The following PANK1 variants were observed in gnomAD, a reference collection of about 807,000 sequenced individuals.
The protein encoded by PANK1 is pantothenate kinase 1.
In PANK1, 18 loss-of-function variants were observed where a neutral mutation model predicts 40.1. The ratio of observed to expected loss-of-function variants is 0.45; its 90% CI spans 0.31 to 0.67. PANK1 has a LOEUF of 0.67. Among genes scored for constraint, PANK1 ranks in the 30% least tolerant of loss-of-function variants. PANK1 has a pLI of 0.06. For synonymous variants in PANK1, 242 were observed against 237.7 expected (o/e 1.02, Z -0.17); for missense variants, 457 against 599.6 (o/e 0.76, Z 2.48).
intron 2 of PANK1, among the ~76,000 whole-genome samples, chr10:89,600,796 GA>G (rs1053197767): frequency 5.3e-5 from 8 of 151,776 alleles, no homozygotes; most frequent in Admixed American, 1.3e-4. Flanking sequence ...ACCAAAGAAA[GA>G]AAAAAATCTA....
intron 6 of PANK1, among the ~76,000 whole-genome samples, chr10:89,587,748 A>G (rs1337725170): frequency 6.6e-6 from 1 of 152,190 alleles, no homozygotes; most frequent in Non-Finnish European, 1.5e-5. Flanking sequence ...GGTTGAAGAA[A>G]GCTTTCATTA....
rs535948701 is a variant in PANK1 at position 89,641,029 on chromosome 10, A to T, written c.292+3571T>A. 3.3e-5 allele frequency among the ~76,000 whole-genome samples: 5 copies of T among 152,334 alleles called. No individual in the cohort carries two copies. In the South Asian group the frequency reaches 8.3e-4, roughly 25 times the overall value. ...AATCATCAATTCAAATGTGTATTGT[A>T]CAATTCATAGCTTAATTGACAAACT... On this transcript the variant is annotated intron_variant, in intron 1 of 6. Transcript: ENST00000307534.
At chr10:89,604,942 G>A (rs1469728891) in intron 2 of PANK1, among the ~76,000 whole-genome samples, 1 of 151,472 alleles carries the variant, frequency 6.6e-6, no homozygotes, top group South Asian at 2.1e-4. Context: ...TAGTAGAGAC[G>A]GGGTTTCACC....
chr10:89,641,679 C>T (rs966769695), intron 1 of PANK1, among the ~76,000 whole-genome samples: 2 of 150,008 alleles, frequency 1.3e-5, no homozygotes, highest in Non-Finnish European at 2.9e-5. Context: ...TTGCAGTGAG[C>T]CAAGATCGTG....
chr10:89,597,250 A>G (rs1324246192), intron 3 of PANK1, among the ~76,000 whole-genome samples: 5 of 152,258 alleles, frequency 3.3e-5, no homozygotes, highest in Admixed American at 3.3e-4. Context: ...CTTCACTGCT[A>G]ACTGTAATCG....
intron 1 of PANK1, among the ~76,000 whole-genome samples, chr10:89,634,635 T>C (rs1183484412): frequency 6.6e-6 from 1 of 152,206 alleles, no homozygotes; most frequent in Non-Finnish European, 1.5e-5. Flanking sequence ...CATGTGGCTT[T>C]TATGAAGGAA....
intron 1 of PANK1, among the ~76,000 whole-genome samples, chr10:89,631,010 AT>A (rs1217156597): frequency 2.0e-5 from 3 of 151,392 alleles, no homozygotes; most frequent in Admixed American, 2.0e-4. Context: ...CTAAACAAAC[AT>A]TTTTTTTTAC....
chr10:89,624,751 C>T (rs563487543), intron 1 of PANK1, among the ~76,000 whole-genome samples: 3 of 152,280 alleles, frequency 2.0e-5, no homozygotes, highest in South Asian at 4.1e-4. Flanking sequence ...AATACAGACT[C>T]CCAGGACATC....
At chr10:89,595,607 G>T in intron 3 of PANK1, among the ~76,000 whole-genome samples, 1 of 151,268 alleles carries the variant, frequency 6.6e-6, no homozygotes, top group African/African-American at 2.4e-5. Flanking sequence ...ATCACCTGAG[G>T]TCAGGAGTTT....
chr10:89,604,390 G>C (rs118068373), intron 2 of PANK1, among the ~76,000 whole-genome samples: 5 of 152,074 alleles, frequency 3.3e-5, no homozygotes, highest in African/African-American at 1.2e-4. Flanking sequence ...GTTTCTTAGT[G>C]CATATAAAAG....
Position 89,588,779 on chromosome 10 carries a change from TG to T in PANK1, c.1201-3del. 1 of 1,568,674 alleles carries T rather than the reference TG, an allele frequency of 6.4e-7. No individual in the cohort carries two copies. Among genetic ancestry groups the T allele is most frequent in the Admixed American group, 2.0e-5 (1 of 51,068 alleles). ...AACAAACACAACTCTGTCTATGTTC[TG>T]GAAAAAATATTAAAGAAAACAATTG... On this transcript the variant is annotated splice_region_variant and splice_polypyrimidine_tract_variant and intron_variant, in intron 5 of 6. Coordinates refer to ENST00000307534, the MANE Select transcript of PANK1 (RefSeq NM_148977.3).
rs530327034 is a variant in PANK1, at chr10:89,604,249, A to G, written c.646-4744T>C. Among the ~76,000 whole-genome samples the G allele has an allele frequency of 9.8e-5, 15 of 152,316 alleles. No individual in the cohort carries two copies. In the South Asian group the frequency reaches 3.1e-3, roughly 32 times the overall value. ...CTAAAAGAGTTACTTCTGACTTCTA[A>G]TCAATGTTAGCTTTGGACTGGACAA... On this transcript the variant is annotated intron_variant, in intron 2 of 6. Transcript: ENST00000307534.
downstream of PANK1, chr10:89,580,622 A>G (rs2133907535): frequency 6.6e-6 from 1 of 152,246 alleles, no homozygotes; most frequent in East Asian, 1.9e-4. Context: ...TTTGGTTAAG[A>G]CTTCACAAAA....
intron 1 of PANK1, chr10:89,643,801 T>C: frequency 6.2e-7 from 1 of 1,607,756 alleles, no homozygotes; most frequent in Non-Finnish European, 8.5e-7. Context: ...GACCTACAAA[T>C]TTACATCCCA....
intron 1 of PANK1, among the ~76,000 whole-genome samples, chr10:89,618,886 T>TG (rs1234238728): frequency 2.0e-5 from 3 of 152,246 alleles, no homozygotes; most frequent in African/African-American, 7.2e-5. Context: ...TCAATGAACT[T>TG]GTGTTGTAAG....
At chr10:89,622,469 A>T (rs549195365) in intron 1 of PANK1, among the ~76,000 whole-genome samples, 7 of 152,248 alleles carry the variant, frequency 4.6e-5, no homozygotes, top group African/African-American at 1.7e-4. Flanking sequence ...AGATTCCTAT[A>T]CCCTTTGATA....
chr10:89,599,608 C>A, intron 2 of PANK1, 103 bp from the exon 3 acceptor site: 1 of 1,091,230 alleles, frequency 9.2e-7, no homozygotes, highest in Non-Finnish European at 1.3e-6. Flanking sequence ...ACATGAAAAG[C>A]ATGGAGACAC....
At chr10:89,627,409 C>T (rs578073584) in intron 1 of PANK1, among the ~76,000 whole-genome samples, 63 of 152,234 alleles carry the variant, frequency 4.1e-4, no homozygotes, top group African/African-American at 1.4e-3. Context: ...GCAAATACTA[C>T]GCCATTTTAT....
rs768953761 is a variant in PANK1, at chr10:89,584,331, C to A, written c.*75G>T. On this transcript the variant is annotated 3_prime_UTR_variant, in exon 7 of 7. Transcript: ENST00000307534. The stretch of plus-strand genomic sequence containing the variant: ...TAATGGCTTGGCTTCCGTCCCAAAG[C>A]GACTTTCACCTTCTCCAGCAGCAAT... 16 of 929,418 alleles carry A rather than the reference C, an allele frequency of 1.7e-5. No individual in the cohort carries two copies. In the East Asian group the frequency reaches 2.9e-4, roughly 17 times the overall value. The allele number at this position is 929,418 out of a possible 1,614,324, so 57.6% of individuals were successfully genotyped here.
Sources: allele counts gnomAD v4.1 joint callset (sites outside exome capture counted in the v4.1 genomes callset), GRCh38; gene constraint gnomAD v4.1.1; transcripts MANE v1.5; gene names NCBI Gene and HGNC (gene_info 2026-07-23, HGNC 2026-07-21).